Variants in SLC7A10 observed in about 807,000 individuals in gnomAD.
SLC7A10 encodes the protein solute carrier family 7 member 10.
In SLC7A10, 30 loss-of-function variants were observed where a neutral mutation model predicts 52.7. The ratio of observed to expected loss-of-function variants is 0.57; its 90% CI spans 0.43 to 0.77. The LOEUF is 0.77. Among genes scored for constraint, SLC7A10 ranks in the 30% least tolerant of loss-of-function variants. The probability of loss-of-function intolerance (pLI) is 0.00; values close to 1 mark genes in which losing one functional copy is unlikely to be tolerated. For missense variants in SLC7A10, 581 were observed against 698.5 expected (o/e 0.83, Z 1.90); for synonymous variants, 318 against 314.9 (o/e 1.01, Z -0.10).
intron 5 of SLC7A10, chr19:33,211,743 G>T: frequency 1.1e-6 from 1 of 895,822 alleles, no homozygotes. Flanking sequence ...CTGGTAGGAT[G>T]GGAGATGGGG....
At chr19:33,221,399 G>A (rs1427827159) in intron 1 of SLC7A10, among the ~76,000 whole-genome samples, 4 of 152,228 alleles carry the variant, frequency 2.6e-5, no homozygotes, top group Non-Finnish European at 5.9e-5. Flanking sequence ...AGTATGTAGT[G>A]GTTGAATAAA....
Position 33,209,094 on chromosome 19 carries a change from C to T in SLC7A10, c.1442-73G>A, listed in dbSNP as rs1421886254. 1.9e-6 allele frequency: 3 copies of T among 1,603,382 alleles called. No individual in the cohort carries two copies. In the African/African-American group the frequency reaches 4.0e-5, roughly 21 times the overall value. On this transcript the variant is annotated intron_variant, in intron 10 of 10. Coordinates refer to ENST00000253188, the MANE Select transcript of SLC7A10 (RefSeq NM_019849.3). ...GTGACCCCCAGCTCCGGACACCTCC[C>T]CTTGGGCAGGGGTCTTCAGGGAGTT...
At position 33,210,640 on chromosome 19, in the gene SLC7A10, G is replaced by A. The variant is rs773113667; in HGVS notation, c.1114-24C>T. The A allele has an allele frequency of 1.1e-5, 18 of 1,610,308 alleles. No homozygotes were observed. Among genetic ancestry groups the A allele is most frequent in the South Asian group, 6.6e-5 (6 of 91,070 alleles). ...CACTGGGAGAGGACCTGGGGCTGAC[G>A]GCTGGCCCCTAGCCTGCCTCCTGAC... On this transcript the variant is annotated intron_variant, in intron 8 of 10. Transcript: ENST00000253188. This position sits in a 1 kb window ranked among gnomAD's most constrained non-coding sequence, Gnocchi z 5.6.
rs546394006 is a variant in SLC7A10 at position 33,219,052 on chromosome 19, GT to G, written c.152-3080del. The stretch of plus-strand genomic sequence containing the variant: ...GGAGATACCGCTGAGCCCCTGTTGG[GT>G]GTCTGACCCATGGCTGACCAGAGAG... On this transcript the variant is annotated intron_variant, in intron 1 of 10. Coordinates refer to ENST00000253188, the MANE Select transcript of SLC7A10 (RefSeq NM_019849.3). Among the ~76,000 whole-genome samples the G allele has an allele frequency of 3.3e-4, 50 of 152,136 alleles. 4 individuals are homozygous for G. In the South Asian group the frequency reaches 0.01, roughly 31 times the overall value.
In SLC7A10 at chr19:33,208,986, C is replaced by T. The variant is rs138532960; in HGVS notation, c.1477G>A (p.Val493Met). Residue 493 changes from valine (V) to methionine (M), a missense_variant, in exon 11 of 11, where the codon GTG becomes ATG. Physicochemically the swap from Val to Met is conservative, Grantham distance 21. Transcript: ENST00000253188. The surrounding 1 kb of genome is among the most constrained non-coding windows in gnomAD (Gnocchi z 4.7). ...MTHWGQELCF[V>M]VYPQDAPEEE... Reference sequence around the variant, plus strand: ...TCGGGGGCGTCCTGGGGGTAGACCACGAAACACAGCTCCTGGCCCCAGTGT... The same window carrying T: ...TCGGGGGCGTCCTGGGGGTAGACCATGAAACACAGCTCCTGGCCCCAGTGT... The T allele has an allele frequency of 1.4e-4, 225 of 1,613,660 alleles. 1 individual carries two copies. The highest frequency in any genetic ancestry group is 1.2e-3 in the Middle Eastern group (7 of 6,074).
chr19:33,215,978 A>C lies in SLC7A10; in HGVS notation c.152-5T>G. On this transcript the variant is annotated splice_region_variant and splice_polypyrimidine_tract_variant and intron_variant, in intron 1 of 10. Transcript: ENST00000253188. ...TGCCCGAGCCGATGATGTTCCCTGC[A>C]GGGGGAGAGATGGGGAGGCATCAGG... The C allele has an allele frequency of 6.3e-7, 1 of 1,577,568 alleles. No homozygotes were observed. The highest frequency in any genetic ancestry group is 8.7e-7 in the Non-Finnish European group (1 of 1,154,970).
At position 33,210,952 on chromosome 19, in the gene SLC7A10, A is replaced by C; in HGVS notation, c.1017-54T>G. 6.5e-7 allele frequency: 1 copy of C among 1,544,392 alleles called. No individual in the cohort carries two copies. Among genetic ancestry groups the C allele is most frequent in the East Asian group, 2.3e-5 (1 of 44,302 alleles). On this transcript the variant is annotated intron_variant, in intron 7 of 10. Transcript: ENST00000253188. This position sits in a 1 kb window ranked among gnomAD's most constrained non-coding sequence, Gnocchi z 5.6. ...GCCACATCCTGGGTCTCAGCTTTGG[A>C]CCTGATGTCCCTCTTAAGCTGTCGC...
At chr19:33,223,560 G>A (rs983632397) in intron 1 of SLC7A10, among the ~76,000 whole-genome samples, 12 of 151,952 alleles carry the variant, frequency 7.9e-5, no homozygotes, top group African/African-American at 2.7e-4. Flanking sequence ...CACCTGCCCA[G>A]TCCCCACCTC....
At chr19:33,218,005 T>TC (rs1974726055) in intron 1 of SLC7A10, 1 of 151,928 alleles carries the variant, frequency 6.6e-6, no homozygotes, top group East Asian at 1.9e-4. Context: ...GCCTTTGAGT[T>TC]CCCTCCATCC....
chr19:33,222,908 A>C (rs1185784678), intron 1 of SLC7A10, among the ~76,000 whole-genome samples: 1 of 152,220 alleles, frequency 6.6e-6, no homozygotes, highest in Non-Finnish European at 1.5e-5. Flanking sequence ...GAGCTGGAGC[A>C]GAGGGTATAC....
chr19:33,224,479 C>T (rs570962400), intron 1 of SLC7A10, among the ~76,000 whole-genome samples: 7 of 152,214 alleles, frequency 4.6e-5, no homozygotes, highest in East Asian at 1.9e-4. Context: ...TGGGAGAGGA[C>T]GAGGTGAAGA....
At chr19:33,224,608 G>T (rs567368194) in intron 1 of SLC7A10, among the ~76,000 whole-genome samples, 1 of 152,152 alleles carries the variant, frequency 6.6e-6, no homozygotes, top group Non-Finnish European at 1.5e-5. Context: ...CTGGCTGGCG[G>T]TAAGGTGAGA....
At chr19:33,216,049 T>C in intron 1 of SLC7A10, 76 bp from the exon 2 acceptor site, 3 of 1,348,856 alleles carry the variant, frequency 2.2e-6, no homozygotes, top group Non-Finnish European at 3.0e-6. Context: ...GGGATCTGCC[T>C]GCTGCCAGGA....
At chr19:33,214,879 C>A (rs1413805855) in intron 2 of SLC7A10, among the ~76,000 whole-genome samples, 1 of 152,198 alleles carries the variant, frequency 6.6e-6, no homozygotes, top group Non-Finnish European at 1.5e-5. Context: ...CAGGGACAGA[C>A]CTTTCTATCA....
Position 33,212,942 on chromosome 19 carries a change from G to T in SLC7A10, c.417C>A (p.Ser139=). Residue 139 remains serine, a synonymous_variant, in exon 3 of 11, where the codon TCC becomes TCA. Coordinates refer to ENST00000253188, the MANE Select transcript of SLC7A10 (RefSeq NM_019849.3). ...GCAGCACGTAGTTGGAGAAGGTCATGGAGATGACAGCAAGGCTGGTGGGGT... is the reference window on the plus strand; with the variant it reads ...GCAGCACGTAGTTGGAGAAGGTCATTGAGATGACAGCAAGGCTGGTGGGGT... The part of the protein sequence containing the change: ...IMYPTSLAVI[S]MTFSNYVLQP... 1 of 1,614,182 alleles carries T rather than the reference G, an allele frequency of 6.2e-7. No homozygotes were observed.
rs759611119 is a variant in SLC7A10, at chr19:33,215,819, C to T, written c.306G>A (p.Lys102=). 11 of 1,583,498 alleles carry T rather than the reference C, an allele frequency of 6.9e-6. No individual in the cohort carries two copies. Among genetic ancestry groups the T allele is most frequent in the Non-Finnish European group, 9.4e-6 (11 of 1,165,194 alleles). ...TGACGTAGGCGTAGTCCCCGCCAGA[C>T]TTGGGGATGGCGACTCCCAGCTCTG... ...CYAELGVAIP[K]SGGDYAYVTE... The change falls in exon 2 of 11, where the codon AAG becomes AAA. Residue 102 remains lysine, a synonymous_variant. Transcript: ENST00000253188.
intron 2 of SLC7A10, 117 bp from the exon 3 acceptor site, chr19:33,213,119 G>T: frequency 7.3e-7 from 1 of 1,369,530 alleles, no homozygotes; most frequent in Non-Finnish European, 1.0e-6. Context: ...TGGCGAGGCT[G>T]CCAGAGGCCA....
At chr19:33,220,618 A>C (rs1458175045) in intron 1 of SLC7A10, among the ~76,000 whole-genome samples, 1 of 151,918 alleles carries the variant, frequency 6.6e-6, no homozygotes, top group Non-Finnish European at 1.5e-5. Flanking sequence ...TATTACCTTG[A>C]CTTCTGCTGG....
At chr19:33,214,394 G>A (rs1163558399) in intron 2 of SLC7A10, among the ~76,000 whole-genome samples, 1 of 152,148 alleles carries the variant, frequency 6.6e-6, no homozygotes, top group Non-Finnish European at 1.5e-5. Flanking sequence ...CACCTCCGCT[G>A]CACCCACCTC....
Sources: gnomAD v4.1 joint callset for allele counts (sites outside exome capture counted in the v4.1 genomes callset) on GRCh38, gnomAD v4.1.1 for gene constraint, Gnocchi (gnomAD v3.1) non-coding constraint, MANE v1.5 for transcripts, NCBI Gene and HGNC (gene_info 2026-07-23, HGNC 2026-07-21) for gene names.